The following KCNIP4 variants were observed in gnomAD, a reference collection of about 807,000 sequenced individuals.
KCNIP4 encodes the protein Kv channel-interacting protein 4.
In KCNIP4, 12 loss-of-function variants were observed where a neutral mutation model predicts 34.0. The observed-to-expected ratio is 0.35, with a 90% CI of 0.23 to 0.57. The LOEUF is 0.57. Ranked by LOEUF, KCNIP4 falls within the 20% of genes least tolerant of loss-of-function variation. The probability of loss-of-function intolerance (pLI) is 0.83; values close to 1 mark genes in which losing one functional copy is unlikely to be tolerated. For missense variants in KCNIP4, 238 were observed against 311.7 expected, an observed-to-expected ratio of 0.76 and a Z score of 1.78; for synonymous variants, 124 against 102.2, an observed-to-expected ratio of 1.21 and a Z score of -1.29.
intron 1 of KCNIP4, among the ~76,000 whole-genome samples, chr4:21,882,857 C>T (rs1726535821): frequency 6.6e-6 from 1 of 152,276 alleles, no homozygotes; most frequent in African/African-American, 2.4e-5. Context: ...AATAACCAGA[C>T]ATTGCCATGT....
Position 21,770,211 on chromosome 4 carries a change from C to A in KCNIP4, c.61+178360G>T, listed in dbSNP as rs1212360805. ...TTCGACATCCACTTATGAGTGAGAACGTGGTGTTTGGTTTTCCATTCCTGT... is the reference window on the plus strand; with the variant it reads ...TTCGACATCCACTTATGAGTGAGAAAGTGGTGTTTGGTTTTCCATTCCTGT... On this transcript the variant is annotated intron_variant, in intron 1 of 8. Coordinates refer to ENST00000382152, the MANE Select transcript of KCNIP4 (RefSeq NM_025221.6). Among the ~76,000 whole-genome samples the A allele has an allele frequency of 1.3e-5, 2 of 151,960 alleles. 1 individual carries two copies. Among genetic ancestry groups the A allele is most frequent in the South Asian group, 4.1e-4 (2 of 4,822 alleles).
intron 1 of KCNIP4, among the ~76,000 whole-genome samples, chr4:20,906,336 C>T (rs964246044): frequency 1.1e-4 from 17 of 152,142 alleles, no homozygotes; most frequent in African/African-American, 3.9e-4. Flanking sequence ...TCCCTTACCC[C>T]GTCTGCACTG....
At chr4:21,210,656 T>C (rs1436372150) in intron 1 of KCNIP4, among the ~76,000 whole-genome samples, 1 of 152,004 alleles carries the variant, frequency 6.6e-6, no homozygotes, top group Admixed American at 6.6e-5. Flanking sequence ...GAACTTTATA[T>C]TACTATAAAA....
chr4:21,592,884 G>C (rs934684341), intron 1 of KCNIP4, among the ~76,000 whole-genome samples: 4 of 152,086 alleles, frequency 2.6e-5, no homozygotes, highest in African/African-American at 9.7e-5. Context: ...TCTATGATTA[G>C]AGTGCCCCTT....
chr4:21,511,297 T>G (rs28483282), intron 1 of KCNIP4, among the ~76,000 whole-genome samples: 11,014 of 152,088 alleles, frequency 0.072, 1,222 homozygotes, highest in African/African-American at 0.24. Context: ...GTGACCTAAA[T>G]AAATAGTATA....
At chr4:20,978,758 T>C (rs1735733976) in intron 1 of KCNIP4, among the ~76,000 whole-genome samples, 1 of 152,210 alleles carries the variant, frequency 6.6e-6, no homozygotes, top group Non-Finnish European at 1.5e-5. Flanking sequence ...TGTACTGGTC[T>C]ATTTACCATG....
At chr4:21,473,244 A>G (rs748947162) in intron 1 of KCNIP4, among the ~76,000 whole-genome samples, 1 of 152,158 alleles carries the variant, frequency 6.6e-6, no homozygotes, top group Admixed American at 6.5e-5. Context: ...GCATAACCCA[A>G]CTTTTCTGAA....
intron 1 of KCNIP4, among the ~76,000 whole-genome samples, chr4:21,822,311 G>A (rs1722401905): frequency 6.6e-6 from 1 of 152,178 alleles, no homozygotes; most frequent in Non-Finnish European, 1.5e-5. Flanking sequence ...AGGCAGAGCT[G>A]TTCTCCAGAA....
chr4:21,510,116 C>T (rs1320983679), intron 1 of KCNIP4, among the ~76,000 whole-genome samples: 2 of 146,720 alleles, frequency 1.4e-5, no homozygotes, highest in African/African-American at 5.1e-5. Flanking sequence ...CAATCTGTCT[C>T]ATATCATGTA....
chr4:21,061,857 A>T (rs1441647776), intron 1 of KCNIP4, among the ~76,000 whole-genome samples: 2 of 152,138 alleles, frequency 1.3e-5, no homozygotes, highest in African/African-American at 4.8e-5. Flanking sequence ...TAATTTAATG[A>T]CTTGTGTCCT....
intron 1 of KCNIP4, among the ~76,000 whole-genome samples, chr4:21,009,337 G>A (rs1738860788): frequency 6.6e-6 from 1 of 152,156 alleles, no homozygotes; most frequent in Non-Finnish European, 1.5e-5. Flanking sequence ...GCAAGTGAGT[G>A]TCAATAAACC....
chr4:20,981,585 G>A (rs1736071012), intron 1 of KCNIP4, among the ~76,000 whole-genome samples: 1 of 152,114 alleles, frequency 6.6e-6, no homozygotes, highest in Non-Finnish European at 1.5e-5. Context: ...AGTTACATTT[G>A]CCTTATGACA....
intron 1 of KCNIP4, among the ~76,000 whole-genome samples, chr4:21,232,044 C>T (rs552876544): frequency 4.6e-5 from 7 of 152,086 alleles, no homozygotes; most frequent in South Asian, 4.2e-4. Flanking sequence ...TTCTTTACCC[C>T]GATGCTTGTA....
chr4:21,814,335 A>C (rs1307477271), intron 1 of KCNIP4, among the ~76,000 whole-genome samples: 1 of 152,100 alleles, frequency 6.6e-6, no homozygotes, highest in Admixed American at 6.5e-5. Context: ...CAATTCCCAC[A>C]TGTCATGGGA....
chr4:20,893,479 G>C (rs1726164127), intron 1 of KCNIP4, among the ~76,000 whole-genome samples: 1 of 152,008 alleles, frequency 6.6e-6, no homozygotes, highest in Admixed American at 6.6e-5. Context: ...CTGGAGTGCA[G>C]CAGCTTGATC....
chr4:21,436,916 T>C (rs538901636), intron 1 of KCNIP4, among the ~76,000 whole-genome samples: 1 of 152,322 alleles, frequency 6.6e-6, no homozygotes, highest in East Asian at 1.9e-4. Context: ...AGGTGCTTAA[T>C]GAACAACTGT....
At chr4:20,807,602 A>T (rs1378897401) in intron 3 of KCNIP4, among the ~76,000 whole-genome samples, 1 of 152,178 alleles carries the variant, frequency 6.6e-6, no homozygotes, top group Non-Finnish European at 1.5e-5. Flanking sequence ...CCTAGAATAT[A>T]CTTATGTCAT....
chr4:21,457,678 T>C (rs1577391610), intron 1 of KCNIP4, among the ~76,000 whole-genome samples: 1 of 151,860 alleles, frequency 6.6e-6, no homozygotes, highest in Non-Finnish European at 1.5e-5. Flanking sequence ...TTCTAGAGAG[T>C]ATGGACAGAT....
At chr4:21,380,542 C>T (rs1048182307) in intron 1 of KCNIP4, among the ~76,000 whole-genome samples, 1 of 151,700 alleles carries the variant, frequency 6.6e-6, no homozygotes, top group Non-Finnish European at 1.5e-5. Flanking sequence ...GTATAGATCA[C>T]TCTTAATTTG....
Sources: gnomAD v4.1 joint callset for allele counts (sites outside exome capture counted in the v4.1 genomes callset) on GRCh38, gnomAD v4.1.1 for gene constraint, MANE v1.5 for transcripts, NCBI Gene and HGNC (gene_info 2026-07-23, HGNC 2026-07-21) for gene names.